LIPA: variants seen among roughly 807,000 people sequenced by gnomAD.
The protein encoded by LIPA is lysosomal acid lipase/cholesteryl ester hydrolase.
A neutral mutation model predicts 40.6 loss-of-function variants in LIPA; 26 were observed. That is an observed-to-expected ratio of 0.64 (90% CI 0.47 to 0.89). The LOEUF is 0.89. LIPA is among the 40% of genes least tolerant of loss of function. LIPA has a pLI of 0.00. For synonymous variants in LIPA, 188 were observed against 168.4 expected, an observed-to-expected ratio of 1.12 and a Z score of -0.90; for missense variants, 455 against 479.6, an observed-to-expected ratio of 0.95 and a Z score of 0.48.
At chr10:89,299,097 C>A (rs184118482) in intron 1 of LIPA, among the ~76,000 whole-genome samples, 1 of 151,376 alleles carries the variant, frequency 6.6e-6, no homozygotes, top group Non-Finnish European at 1.5e-5. Context: ...ACACAGAAAT[C>A]GGAGAAACAA....
chr10:89,405,091 C>G (rs1234633211), intron 2 of LIPA: 1 of 152,226 alleles, frequency 6.6e-6, no homozygotes, highest in Non-Finnish European at 1.5e-5. Flanking sequence ...AAACCTCATG[C>G]AGTTTACAAT....
intron 1 of LIPA, among the ~76,000 whole-genome samples, chr10:89,311,173 T>C (rs966005268): frequency 6.6e-6 from 1 of 152,202 alleles, no homozygotes; most frequent in Non-Finnish European, 1.5e-5. Flanking sequence ...AGCACACATT[T>C]TCCTTTCTCA....
chr10:89,228,733 C>T lies in LIPA; in HGVS notation c.230-335G>A, dbSNP rs556718645. On this transcript the variant is annotated intron_variant, in intron 3 of 9. Transcript: ENST00000336233. ...ATAAAATGTTTTTACAATTTGCTTT[C>T]GTAATTGCATTTCTCACAATAATTC... 1.4e-4 allele frequency among the ~76,000 whole-genome samples: 22 copies of T among 152,178 alleles called. No homozygotes were observed. The South Asian group carries it at 2.7e-3, about 19-fold the overall frequency.
upstream of LIPA, chr10:89,251,977 C>G (rs1439259045): frequency 6.6e-6 from 1 of 152,440 alleles, no homozygotes; most frequent in Non-Finnish European, 1.5e-5. Context: ...GAGCATGCGC[C>G]GTAGGCGTTT....
In LIPA at chr10:89,223,778, A is replaced by G; in HGVS notation, c.728T>C (p.Leu243Pro). ...GACATGAGTGCAAACGTGGGTACCC[A>G]GCCACTTCAAAAACGCACTCTGGGG... ...FLPQSAFLKW[L>P]GTHVCTHVIL... The change falls in exon 7 of 10, where the codon CTG becomes CCG. Residue 243 changes from leucine to proline, a missense_variant. Leu to Pro is a moderately conservative substitution (Grantham distance 98, BLOSUM62 -3). Coordinates refer to ENST00000336233, the MANE Select transcript of LIPA (RefSeq NM_000235.4). 6.2e-7 allele frequency: 1 copy of G among 1,614,098 alleles called. No homozygotes were observed. The highest frequency in any genetic ancestry group is 8.5e-7 in the Non-Finnish European group (1 of 1,179,952).
At chr10:89,219,985 C>T (rs1256821022) in intron 8 of LIPA, among the ~76,000 whole-genome samples, 4 of 152,226 alleles carry the variant, frequency 2.6e-5, no homozygotes, top group Non-Finnish European at 4.4e-5. Flanking sequence ...ACCCTGCAGC[C>T]TTTGACCCTG....
At chr10:89,370,978 A>C (rs1008406414) in intron 2 of LIPA, among the ~76,000 whole-genome samples, 1 of 152,220 alleles carries the variant, frequency 6.6e-6, no homozygotes, top group East Asian at 1.9e-4. Context: ...AGATCGCACC[A>C]CTGCACTCCA....
At chr10:89,331,858 C>CAAAAAAAAAAAAAAA (rs10540155) in intron 1 of LIPA, among the ~76,000 whole-genome samples, 2 of 80,606 alleles carry the variant, frequency 2.5e-5, no homozygotes, top group African/African-American at 4.4e-5. Flanking sequence ...GATCCTGTCT[C>CAAAAAAAAAAAAAAA]AAAAAAAAAA....
intron 1 of LIPA, among the ~76,000 whole-genome samples, chr10:89,313,548 A>G (rs1843526768): frequency 6.6e-6 from 1 of 152,240 alleles, no homozygotes; most frequent in African/African-American, 2.4e-5. Context: ...ATACATATGT[A>G]AGAAAAAGGA....
Position 89,229,434 on chromosome 10 carries a change from CTA to C in LIPA, c.230-1038_230-1037del, listed in dbSNP as rs1335563590. ...CATGCCATCATACATTTGTCCAAAA[CTA>C]TAGAATATACAACATCAAGAGTGAA... On this transcript the variant is annotated intron_variant, in intron 3 of 9. Coordinates refer to ENST00000336233, the MANE Select transcript of LIPA (RefSeq NM_000235.4). Among the ~76,000 whole-genome samples, 3 of 152,200 alleles carry C rather than the reference CTA, an allele frequency of 2.0e-5. No homozygotes were observed. In the East Asian group the frequency reaches 5.8e-4, roughly 29 times the overall value.
chr10:89,278,783 C>T (rs1446497887), intron 1 of LIPA, among the ~76,000 whole-genome samples: 1 of 151,446 alleles, frequency 6.6e-6, no homozygotes, highest in Non-Finnish European at 1.5e-5. Flanking sequence ...ATATATATTA[C>T]TTACATATGT....
At chr10:89,339,781 GAC>G (rs1238662515) in intron 1 of LIPA, 2 of 1,614,182 alleles carry the variant, frequency 1.2e-6, no homozygotes, top group East Asian at 4.5e-5. Flanking sequence ...GAAGTCTGAA[GAC>G]ACTGCTGTGC....
intron 3 of LIPA, among the ~76,000 whole-genome samples, chr10:89,231,390 C>T (rs1842840429): frequency 6.6e-6 from 1 of 152,130 alleles, no homozygotes; most frequent in Admixed American, 6.5e-5. Context: ...CATGGTACTC[C>T]CTGGAGTTGT....
At position 89,247,446 on chromosome 10, in the gene LIPA, A is replaced by G. The variant is rs879222424; in HGVS notation, c.111+92T>C. 5 of 714,718 alleles carry G rather than the reference A, an allele frequency of 7.0e-6. No individual in the cohort carries two copies. The South Asian group carries it at 7.3e-5, about 10-fold the overall frequency. The allele number at this position is 714,718 out of a possible 1,614,324, so 44.3% of individuals were successfully genotyped here. ...ATTGAAAAGCAAAGGAGTTATAAAG[A>G]GATGAATGTATGGGTATGGCTTCAT... On this transcript the variant is annotated intron_variant, in intron 2 of 9. Coordinates refer to ENST00000336233, the MANE Select transcript of LIPA (RefSeq NM_000235.4).
chr10:89,385,702 G>A (rs1265916108), intron 2 of LIPA, among the ~76,000 whole-genome samples: 1 of 152,164 alleles, frequency 6.6e-6, no homozygotes, highest in Non-Finnish European at 1.5e-5. Context: ...GGGACCTGCT[G>A]GTCAGTGAGC....
chr10:89,379,818 A>G (rs1844149169), intron 2 of LIPA, among the ~76,000 whole-genome samples: 1 of 152,158 alleles, frequency 6.6e-6, no homozygotes, highest in African/African-American at 2.4e-5. Context: ...GCAGATCACG[A>G]GGTCAGGAGA....
chr10:89,250,103 C>CTTTTTTTTT (rs1564767193), intron 1 of LIPA, among the ~76,000 whole-genome samples: 1 of 94,060 alleles, frequency 1.1e-5, no homozygotes, highest in Non-Finnish European at 2.0e-5. Context: ...CTTTTCTTTT[C>CTTTTTTTTT]TTTCTTTTTT....
At chr10:89,343,480 C>T (rs563031428), upstream of LIPA, among the ~76,000 whole-genome samples, 5 of 152,038 alleles carry the variant, frequency 3.3e-5, no homozygotes, top group Non-Finnish European at 7.4e-5. Context: ...CATTGTCTTG[C>T]GGAAGAGGAA....
At chr10:89,314,697 A>C (rs1843533384) in intron 1 of LIPA, 1 of 152,228 alleles carries the variant, frequency 6.6e-6, no homozygotes, top group Admixed American at 6.5e-5. Context: ...TGAATTTCTT[A>C]ATGATGCAGA....
Sources: allele counts gnomAD v4.1 joint callset (sites outside exome capture counted in the v4.1 genomes callset), GRCh38; gene constraint gnomAD v4.1.1; transcripts MANE v1.5; gene names NCBI Gene and HGNC (gene_info 2026-07-23, HGNC 2026-07-21).